Variants in POGZ observed in about 807,000 individuals in gnomAD.
POGZ encodes pogo transposable element with ZNF domain.
A neutral mutation model predicts 134.6 loss-of-function variants in POGZ; 17 were observed. The ratio of observed to expected loss-of-function variants is 0.13; its 90% CI spans 0.09 to 0.19. The LOEUF (loss-of-function observed/expected upper bound fraction) is 0.19, where lower values mean the gene tolerates loss of function less well. Among genes scored for constraint, POGZ ranks in the 10% least tolerant of loss-of-function variants. The pLI is 1.00. For synonymous variants in POGZ, 693 were observed against 657.1 expected, an observed-to-expected ratio of 1.05 and a Z score of -0.84; for missense variants, 1,306 against 1,769.7, an observed-to-expected ratio of 0.74 and a Z score of 4.70.
intron 1 of POGZ, among the ~76,000 whole-genome samples, chr1:151,458,356 T>C (rs1663022717): frequency 6.6e-6 from 1 of 151,976 alleles, no homozygotes; most frequent in Admixed American, 6.6e-5. Context: ...CCCCGCCTCA[T>C]TCCATTTTAT....
intron 10 of POGZ, among the ~76,000 whole-genome samples, chr1:151,422,727 G>A (rs1283933768): frequency 6.6e-6 from 1 of 152,100 alleles, no homozygotes; most frequent in Non-Finnish European, 1.5e-5. Context: ...GAGTAGCTGG[G>A]ATTACAGGTG....
At chr1:151,455,256 A>G (rs924780132) in intron 1 of POGZ, 5 of 152,214 alleles carry the variant, frequency 3.3e-5, no homozygotes, top group Non-Finnish European at 7.3e-5. Flanking sequence ...TAAAGTTTTT[A>G]TTTTACAGAT....
In POGZ at chr1:151,408,026, AAAAAAGAAG is replaced by A. The variant is rs775518025; in HGVS notation, c.2375+65_2375+73del. On this transcript the variant is annotated intron_variant, in intron 15 of 18. Coordinates refer to ENST00000271715, the MANE Select transcript of POGZ (RefSeq NM_015100.4). ...GACCCTGTCTTCAAAAAAAAAAAAA[AAAAAAGAAG>A]AAGAAGAAGAAGAAAAAAAGAATCT... 1.4e-4 allele frequency: 118 copies of A among 831,700 alleles called. No individual in the cohort carries two copies. The East Asian group carries it at 2.8e-3, about 20-fold the overall frequency. The allele number at this position is 831,700 out of a possible 1,614,324, so 51.5% of individuals were successfully genotyped here. A position where few individuals can be genotyped will look rare whatever the true frequency, so the allele number is the denominator to read the frequency against.
rs1557859791 is a variant in POGZ, at chr1:151,404,017, A to C, written c.*785T>G. 1.5e-5 allele frequency: 15 copies of C among 985,304 alleles called. No homozygotes were observed. Among genetic ancestry groups the C allele is most frequent in the Non-Finnish European group, 1.4e-5 (12 of 829,888 alleles). 61.0% of individuals were successfully genotyped at this position (985,304 alleles called of 1,614,324 possible). ...AGAATGGGGAAAGGGGCCAAGGATC[A>C]CAAGTGCAAAAAATATTGTTTATGT... is the stretch of plus-strand genomic sequence containing the variant. On this transcript the variant is annotated 3_prime_UTR_variant, in exon 19 of 19. Transcript: ENST00000271715.
At chr1:151,407,313 T>C in intron 15 of POGZ, 22 bp from the exon 16 acceptor site, 3 of 1,578,730 alleles carry the variant, frequency 1.9e-6, no homozygotes, top group South Asian at 1.1e-5. Context: ...AAAGAAGTGG[T>C]ATGAGTTACG....
chr1:151,444,866 T>A (rs1002004586), intron 1 of POGZ, among the ~76,000 whole-genome samples: 26 of 152,098 alleles, frequency 1.7e-4, no homozygotes, highest in Non-Finnish European at 3.1e-4. Context: ...AATTTTTTTT[T>A]AAAAATTAGC....
intron 12 of POGZ, among the ~76,000 whole-genome samples, chr1:151,409,489 C>T (rs946664564): frequency 6.6e-6 from 1 of 152,142 alleles, no homozygotes; most frequent in African/African-American, 2.4e-5. Flanking sequence ...GCACGTGCCA[C>T]CACGCCCGGC....
intron 9 of POGZ, 139 bp downstream of exon 9, chr1:151,423,810 C>T (rs1657339623): frequency 1.4e-6 from 1 of 694,040 alleles, no homozygotes; most frequent in East Asian, 2.7e-5. Context: ...TTCTATAGTC[C>T]TAGTTATTGA....
At position 151,404,631 on chromosome 1, in the gene POGZ, T is replaced by TAATCCACA. The variant is rs1215362450; in HGVS notation, c.*163_*170dup. ...CGTGATTACTATTGGTTTTCCTAAT[T>TAATCCACA]AATCCACAAATCCACAGGGAAGTGT... On this transcript the variant is annotated 3_prime_UTR_variant, in exon 19 of 19. Coordinates refer to ENST00000271715, the MANE Select transcript of POGZ (RefSeq NM_015100.4). The TAATCCACA allele has an allele frequency of 9.6e-5, 131 of 1,365,644 alleles. No homozygotes were observed. In the East Asian group the frequency reaches 3.2e-3, roughly 33 times the overall value. 84.6% of individuals were successfully genotyped at this position (1,365,644 alleles called of 1,614,324 possible).
intron 1 of POGZ, among the ~76,000 whole-genome samples, chr1:151,449,524 T>C (rs1661746902): frequency 6.6e-6 from 1 of 152,152 alleles, no homozygotes; most frequent in Non-Finnish European, 1.5e-5. Flanking sequence ...ACTGAATACA[T>C]GTTCTGAAAA....
chr1:151,414,817 C>G (rs191228314), intron 10 of POGZ, among the ~76,000 whole-genome samples: 1 of 152,056 alleles, frequency 6.6e-6, no homozygotes, highest in Non-Finnish European at 1.5e-5. Flanking sequence ...TGTGTTATCT[C>G]AAGAAAACTA....
At chr1:151,457,401 T>C (rs1488314915) in intron 1 of POGZ, among the ~76,000 whole-genome samples, 1 of 152,148 alleles carries the variant, frequency 6.6e-6, no homozygotes, top group Non-Finnish European at 1.5e-5. Flanking sequence ...ACAACCCCCC[T>C]CTGCTCCATT....
At chr1:151,429,806 T>A in intron 4 of POGZ, 95 bp from the exon 5 acceptor site, 1 of 571,556 alleles carries the variant, frequency 1.7e-6, no homozygotes, top group Non-Finnish European at 3.1e-6. Context: ...ATTCCCATAC[T>A]CTTACTTAAT....
chr1:151,411,461 C>A (rs188159962), intron 12 of POGZ, among the ~76,000 whole-genome samples, 164 bp downstream of exon 12: 1 of 152,082 alleles, frequency 6.6e-6, no homozygotes, highest in Non-Finnish European at 1.5e-5. Context: ...TCTCTAGCAT[C>A]TAGACTAGTA....
chr1:151,432,630 C>T (rs546794211), intron 3 of POGZ, among the ~76,000 whole-genome samples: 1 of 152,200 alleles, frequency 6.6e-6, no homozygotes, highest in African/African-American at 2.4e-5. Context: ...CAACCACCAC[C>T]CTGCTTCAAT....
In POGZ at chr1:151,405,714, A is replaced by G; in HGVS notation, c.3321T>C (p.Phe1107=). 1.2e-6 allele frequency: 2 copies of G among 1,614,216 alleles called. No individual in the cohort carries two copies. Among genetic ancestry groups the G allele is most frequent in the Non-Finnish European group, 1.7e-6 (2 of 1,180,026 alleles). ...CCTGGTTGTGAATCTGCCGTTGTAC[A>G]AAATCAATGAAGAGTCCTGCATTCT... ...VAENAGLFID[F]VQRQIHNQDL... is the part of the protein sequence containing the mutation. Residue 1107 remains phenylalanine (F), a synonymous_variant, in exon 19 of 19, where the codon TTT becomes TTC. Transcript: ENST00000271715. The surrounding 1 kb of genome is among the most constrained non-coding windows in gnomAD (Gnocchi z 4.9).
chr1:151,409,320 G>A (rs1654238878), intron 12 of POGZ, among the ~76,000 whole-genome samples: 1 of 151,914 alleles, frequency 6.6e-6, no homozygotes, highest in Admixed American at 6.6e-5. Context: ...ATGCTTTCGT[G>A]GGCAGTCTAC....
At chr1:151,437,217 A>G (rs1350264027) in intron 3 of POGZ, among the ~76,000 whole-genome samples, 5 of 151,504 alleles carry the variant, frequency 3.3e-5, no homozygotes, top group East Asian at 3.9e-4. Flanking sequence ...AAAAAAAAAA[A>G]AGTAATACAT....
intron 18 of POGZ, 52 bp downstream of exon 18, chr1:151,406,555 G>C: frequency 6.3e-7 from 1 of 1,578,764 alleles, no homozygotes. Flanking sequence ...AATAATAACA[G>C]AGTAAACACA....
Sources: gnomAD v4.1 joint callset for allele counts (sites outside exome capture counted in the v4.1 genomes callset) on GRCh38, gnomAD v4.1.1 for gene constraint, Gnocchi (gnomAD v3.1) non-coding constraint, MANE v1.5 for transcripts, NCBI Gene and HGNC (gene_info 2026-07-23, HGNC 2026-07-21) for gene names.